The following MAPRE2 variants were observed in gnomAD, a reference collection of about 807,000 sequenced individuals.
The protein encoded by MAPRE2 is microtubule associated protein RP/EB family member 2.
MAPRE2 carries 13 observed loss-of-function variants against 43.2 expected under a neutral mutation model. The ratio of observed to expected loss-of-function variants is 0.30; its 90% CI spans 0.20 to 0.48. The LOEUF is 0.48. Among genes scored for constraint, MAPRE2 ranks in the 20% least tolerant of loss-of-function variants. The pLI, the probability that MAPRE2 is intolerant of heterozygous loss-of-function variation, is 0.99. For synonymous variants in MAPRE2, 135 were observed against 148.8 expected (o/e 0.91, Z 0.68); for missense variants, 161 against 400.2 (o/e 0.40, Z 5.10).
chr18:35,006,949 C>G (rs1447733638), intron 2 of MAPRE2, among the ~76,000 whole-genome samples: 2 of 152,262 alleles, frequency 1.3e-5, no homozygotes, highest in East Asian at 3.9e-4. Context: ...GGTGACAGAG[C>G]AAGACTCCAT....
chr18:35,102,298 C>T, intron 4 of MAPRE2, 139 bp downstream of exon 4: 1 of 602,968 alleles, frequency 1.7e-6, no homozygotes, highest in Non-Finnish European at 2.8e-6. Context: ...CTACTGTTGT[C>T]TGTTTCACCA....
At chr18:35,066,887 C>G (rs1906862106) in intron 1 of MAPRE2, among the ~76,000 whole-genome samples, 1 of 152,004 alleles carries the variant, frequency 6.6e-6, no homozygotes, top group African/African-American at 2.4e-5. Flanking sequence ...AGAGGAAGAT[C>G]GATTATAAGA....
intron 2 of MAPRE2, among the ~76,000 whole-genome samples, chr18:35,093,881 T>C (rs1603400343): frequency 6.6e-6 from 1 of 152,294 alleles, no homozygotes; most frequent in East Asian, 1.9e-4. Flanking sequence ...GTTAACAATA[T>C]TGTGTTGTAT....
intron 1 of MAPRE2, among the ~76,000 whole-genome samples, chr18:34,985,387 T>TATATAATATA (rs2097019733): frequency 2.6e-5 from 1 of 38,272 alleles, no homozygotes; most frequent in African/African-American, 1.2e-4. Flanking sequence ...TTATTTTATA[T>TATATAATATA]ATATATAATA....
intron 1 of MAPRE2, among the ~76,000 whole-genome samples, chr18:35,002,506 C>T (rs2097029863): frequency 6.6e-6 from 1 of 152,186 alleles, no homozygotes; most frequent in African/African-American, 2.4e-5. Context: ...CACAGTAGCT[C>T]TACCATTTTA....
chr18:35,038,107 T>C (rs2097051626), upstream of MAPRE2, among the ~76,000 whole-genome samples: 1 of 151,140 alleles, frequency 6.6e-6, no homozygotes, highest in African/African-American at 2.4e-5. Context: ...CTATTTCTCC[T>C]ATTTGGGCTC....
intron 1 of MAPRE2, among the ~76,000 whole-genome samples, chr18:35,048,361 G>A (rs1296335988): frequency 6.6e-6 from 1 of 151,982 alleles, no homozygotes; most frequent in African/African-American, 2.4e-5. Flanking sequence ...AAGATTTAGA[G>A]GGGACAACAT....
At chr18:35,068,514 A>G (rs1319112395) in intron 1 of MAPRE2, among the ~76,000 whole-genome samples, 3 of 152,220 alleles carry the variant, frequency 2.0e-5, no homozygotes, top group Non-Finnish European at 2.9e-5. Flanking sequence ...CCATGGATTC[A>G]TAATTATACT....
At chr18:35,031,823 T>C (rs2097047976) in intron 2 of MAPRE2, among the ~76,000 whole-genome samples, 1 of 152,204 alleles carries the variant, frequency 6.6e-6, no homozygotes, top group Non-Finnish European at 1.5e-5. Context: ...TACCTGTGCA[T>C]GTTGGTTTTG....
rs192129511 is a variant in MAPRE2, at chr18:35,070,480, C to G, written c.250+158C>G. On this transcript the variant is annotated intron_variant, in intron 2 of 6. Coordinates refer to ENST00000300249, the MANE Select transcript of MAPRE2 (RefSeq NM_014268.4). ...GAAAAACTCAGATATAACTAAAGGA[C>G]GTATTGGGAAAAGTGTTTATGAGCA... 7.5e-6 allele frequency: 4 copies of G among 533,538 alleles called. No homozygotes were observed. The South Asian group carries it at 1.1e-4, about 15-fold the overall frequency. 33.1% of individuals were successfully genotyped at this position (533,538 alleles called of 1,614,324 possible). A position where few individuals can be genotyped will look rare whatever the true frequency, so the allele number is the denominator to read the frequency against.
intron 1 of MAPRE2, among the ~76,000 whole-genome samples, chr18:35,058,858 A>G (rs977687496): frequency 6.6e-6 from 1 of 152,176 alleles, no homozygotes; most frequent in Admixed American, 6.5e-5. Context: ...GCTTAATCTC[A>G]TGACATAAAC....
At chr18:34,989,011 G>A (rs1603386771) in intron 1 of MAPRE2, among the ~76,000 whole-genome samples, 1 of 152,072 alleles carries the variant, frequency 6.6e-6, no homozygotes, top group Admixed American at 6.6e-5. Flanking sequence ...GGAAGAGCCT[G>A]CACAGTCATT....
At chr18:35,022,557 T>C (rs994269473) in intron 2 of MAPRE2, among the ~76,000 whole-genome samples, 23 of 152,212 alleles carry the variant, frequency 1.5e-4, no homozygotes, top group Admixed American at 1.2e-3. Flanking sequence ...GATGTTTTCA[T>C]TGGAACATTC....
intron 4 of MAPRE2, among the ~76,000 whole-genome samples, chr18:35,110,961 A>G (rs1169610940): frequency 3.3e-5 from 5 of 152,126 alleles, no homozygotes; most frequent in Admixed American, 6.5e-5. Context: ...AGAGTTCATT[A>G]TGCTTCCTGA....
chr18:35,112,735 A>T (rs1909236018), intron 4 of MAPRE2, among the ~76,000 whole-genome samples: 1 of 152,356 alleles, frequency 6.6e-6, no homozygotes, highest in Non-Finnish European at 1.5e-5. Flanking sequence ...TATAAAAGAC[A>T]CTGCTAGACT....
intron 2 of MAPRE2, among the ~76,000 whole-genome samples, chr18:35,096,807 C>A (rs528533398): frequency 1.9e-5 from 2 of 103,504 alleles, no homozygotes; most frequent in East Asian, 6.3e-4. Flanking sequence ...ATACTTAATA[C>A]TTAATAAGTA....
intron 1 of MAPRE2, among the ~76,000 whole-genome samples, chr18:35,065,253 G>A (rs1225957453): frequency 6.6e-6 from 1 of 151,530 alleles, no homozygotes; most frequent in Non-Finnish European, 1.5e-5. Flanking sequence ...AGCCAAGATC[G>A]CGCTGCTGCA....
intron 1 of MAPRE2, among the ~76,000 whole-genome samples, chr18:34,994,676 A>C (rs771131797): frequency 5.9e-5 from 9 of 152,192 alleles, no homozygotes; most frequent in Non-Finnish European, 1.2e-4. Context: ...TAATCAGGAG[A>C]TATTTTCAAA....
At chr18:34,995,551 A>T (rs1049912640) in intron 1 of MAPRE2, among the ~76,000 whole-genome samples, 2 of 152,194 alleles carry the variant, frequency 1.3e-5, no homozygotes, top group African/African-American at 4.8e-5. Flanking sequence ...ATCATCTTCA[A>T]AAGGGGAGAA....
Sources: gnomAD v4.1 joint callset for allele counts (sites outside exome capture counted in the v4.1 genomes callset) on GRCh38, gnomAD v4.1.1 for gene constraint, MANE v1.5 for transcripts, NCBI Gene and HGNC (gene_info 2026-07-23, HGNC 2026-07-21) for gene names.